MIPOL1: variants seen among roughly 807,000 people sequenced by gnomAD.
MIPOL1 encodes the protein mirror-image polydactyly gene 1 protein.
Under a neutral mutation model 60.9 loss-of-function variants are expected in MIPOL1, and 57 were observed. The ratio of observed to expected loss-of-function variants is 0.94; its 90% CI spans 0.76 to 1.17. MIPOL1 has a LOEUF of 1.17. MIPOL1 is among the 50% of genes most tolerant of loss of function. MIPOL1 has a pLI of 0.00. For synonymous variants in MIPOL1, 179 were observed against 168.8 expected (o/e 1.06, Z -0.47); for missense variants, 551 against 511.6 (o/e 1.08, Z -0.74).
At chr14:37,506,187 T>C (rs960994878) in intron 12 of MIPOL1, 1 of 152,144 alleles carries the variant, frequency 6.6e-6, no homozygotes, top group Non-Finnish European at 1.5e-5. Flanking sequence ...TAAGGTAATT[T>C]ATAGATTCAG....
chr14:37,524,065 C>T (rs2095430799), intron 12 of MIPOL1, among the ~76,000 whole-genome samples: 1 of 152,138 alleles, frequency 6.6e-6, no homozygotes, highest in African/African-American at 2.4e-5. Flanking sequence ...TCTTATAGAA[C>T]CATTTAACTT....
chr14:37,519,026 GAAT>G (rs954243646), intron 12 of MIPOL1, among the ~76,000 whole-genome samples: 8 of 152,158 alleles, frequency 5.3e-5, no homozygotes, highest in African/African-American at 1.9e-4. Context: ...CTTTTGTACA[GAAT>G]AATGTCAGTT....
rs1357716372 is a variant in MIPOL1 at position 37,339,741 on chromosome 14, A to G, written c.829-29776A>G. Among the ~76,000 whole-genome samples, 4 of 152,218 alleles carry G rather than the reference A, an allele frequency of 2.6e-5. No homozygotes were observed. The East Asian group carries it at 7.7e-4, about 29-fold the overall frequency. On this transcript the variant is annotated intron_variant, in intron 9 of 12. Coordinates refer to ENST00000684589, the MANE Select transcript of MIPOL1 (RefSeq NM_001388067.1). ...GAATTGAAGTCAGACAAAGGATTCCAGACCTAAAAGTTTCATTGTTTTTTA... is the reference window on the plus strand; with the variant it reads ...GAATTGAAGTCAGACAAAGGATTCCGGACCTAAAAGTTTCATTGTTTTTTA...
chr14:37,483,535 C>A (rs942934671), intron 11 of MIPOL1, among the ~76,000 whole-genome samples: 3 of 152,102 alleles, frequency 2.0e-5, no homozygotes, highest in African/African-American at 7.2e-5. Flanking sequence ...AGAGGGCCAA[C>A]TGTATAGCCA....
In MIPOL1 at chr14:37,412,866, A is replaced by G. The variant is rs113200617; in HGVS notation, c.937-9989A>G. On this transcript the variant is annotated intron_variant, in intron 10 of 12. Coordinates refer to ENST00000684589, the MANE Select transcript of MIPOL1 (RefSeq NM_001388067.1). ...TTACTAAGGATTTAGCAGGTGAAAA[A>G]TTTTCTGGAGTGGGGAAGATAATCA... is the stretch of plus-strand genomic sequence containing the variant. Among the ~76,000 whole-genome samples the G allele has an allele frequency of 2.1e-3, 324 of 152,212 alleles. 2 individuals carry two copies. Among genetic ancestry groups the G allele is most frequent in the African/African-American group, 7.3e-3 (302 of 41,546 alleles).
chr14:37,359,551 A>G (rs878925438), intron 9 of MIPOL1, among the ~76,000 whole-genome samples: 1 of 152,052 alleles, frequency 6.6e-6, no homozygotes, highest in Admixed American at 6.6e-5. Context: ...GGTCCTTCAC[A>G]TCCCTTGTAA....
chr14:37,208,578 C>T (rs1034188787), intron 1 of MIPOL1, among the ~76,000 whole-genome samples: 12 of 152,070 alleles, frequency 7.9e-5, no homozygotes, highest in Non-Finnish European at 1.2e-4. Flanking sequence ...CCCATGTAGC[C>T]ACCATCAAAA....
At chr14:37,282,127 A>T (rs1211896451) in intron 6 of MIPOL1, among the ~76,000 whole-genome samples, 1 of 152,102 alleles carries the variant, frequency 6.6e-6, no homozygotes, top group Non-Finnish European at 1.5e-5. Context: ...ACTTAAAACT[A>T]AAAGAGCATT....
intron 11 of MIPOL1, among the ~76,000 whole-genome samples, chr14:37,440,234 C>G (rs1266633387): frequency 6.6e-6 from 1 of 152,136 alleles, no homozygotes; most frequent in East Asian, 1.9e-4. Flanking sequence ...TTGTTTTAAT[C>G]AAGATTTAAA....
intron 10 of MIPOL1, among the ~76,000 whole-genome samples, chr14:37,406,097 A>G (rs1395772281): frequency 6.6e-6 from 1 of 152,108 alleles, no homozygotes; most frequent in Non-Finnish European, 1.5e-5. Context: ...GGTTAATTTG[A>G]TAGACAATTA....
At chr14:37,267,304 A>G in intron 4 of MIPOL1, 135 bp downstream of exon 4, 1 of 617,844 alleles carries the variant, frequency 1.6e-6, no homozygotes, top group Non-Finnish European at 2.8e-6. Context: ...CCTGGCCAAC[A>G]TGGTGAAACC....
chr14:37,242,535 A>G (rs714229), intron 1 of MIPOL1, among the ~76,000 whole-genome samples: 68,415 of 151,964 alleles, frequency 0.45, 17,880 homozygotes, highest in African/African-American at 0.73. Context: ...TGCATTTATG[A>G]TATAAACCAT....
chr14:37,353,958 G>A (rs904298296), intron 9 of MIPOL1, among the ~76,000 whole-genome samples: 14 of 152,032 alleles, frequency 9.2e-5, no homozygotes, highest in African/African-American at 3.4e-4. Context: ...GCTTTTGAAT[G>A]TGTTTGCTCT....
At chr14:37,346,977 T>C (rs948651990) in intron 9 of MIPOL1, among the ~76,000 whole-genome samples, 4 of 152,162 alleles carry the variant, frequency 2.6e-5, no homozygotes, top group Non-Finnish European at 4.4e-5. Context: ...ATAACTGTCA[T>C]GGTGAGAAGC....
At chr14:37,457,914 A>C (rs373790668) in intron 11 of MIPOL1, among the ~76,000 whole-genome samples, 1 of 152,130 alleles carries the variant, frequency 6.6e-6, no homozygotes, top group Non-Finnish European at 1.5e-5. Flanking sequence ...ATAGACACTC[A>C]TACACTTAAA....
chr14:37,471,742 T>C (rs1021568576), intron 11 of MIPOL1, among the ~76,000 whole-genome samples: 2 of 152,150 alleles, frequency 1.3e-5, no homozygotes, highest in African/African-American at 4.8e-5. Flanking sequence ...CCATCCTTTC[T>C]CTTACCATAG....
intron 9 of MIPOL1, among the ~76,000 whole-genome samples, chr14:37,365,465 T>A (rs999755205): frequency 6.6e-6 from 1 of 152,168 alleles, no homozygotes; most frequent in Admixed American, 6.5e-5. Context: ...ATTGAAATGA[T>A]CATATGGTTT....
intron 11 of MIPOL1, among the ~76,000 whole-genome samples, chr14:37,426,584 T>TATATATATATATATAC (rs1315985215): frequency 7.3e-6 from 1 of 137,234 alleles, no homozygotes; most frequent in African/African-American, 2.8e-5. Context: ...TATATATATA[T>TATATATATATATATAC]ATATATATAT....
chr14:37,262,967 C>A (rs1594791386), intron 3 of MIPOL1, among the ~76,000 whole-genome samples: 1 of 152,172 alleles, frequency 6.6e-6, no homozygotes, highest in African/African-American at 2.4e-5. Flanking sequence ...CTATTTGATT[C>A]TAGCCACTGC....
Sources: allele counts gnomAD v4.1 joint callset (sites outside exome capture counted in the v4.1 genomes callset), GRCh38; gene constraint gnomAD v4.1.1; transcripts MANE v1.5; gene names NCBI Gene and HGNC (gene_info 2026-07-23, HGNC 2026-07-21).